DLGAP1: variants seen among roughly 807,000 people sequenced by gnomAD.
DLGAP1 encodes DLG associated protein 1, also known as disks large-associated protein 1.
Under a neutral mutation model 90.8 loss-of-function variants are expected in DLGAP1, and 11 were observed. That is an observed-to-expected ratio of 0.12 (90% CI 0.08 to 0.20). The LOEUF is 0.20. Ranked by LOEUF, DLGAP1 falls within the 10% of genes least tolerant of loss-of-function variation. The pLI, the probability that DLGAP1 is intolerant of heterozygous loss-of-function variation, is 1.00. For synonymous variants in DLGAP1, 558 were observed against 540.7 expected (o/e 1.03, Z -0.44); for missense variants, 1,050 against 1,333.8 (o/e 0.79, Z 3.31).
At chr18:3,579,511 C>T (rs757287407) in intron 8 of DLGAP1, among the ~76,000 whole-genome samples, 2 of 152,302 alleles carry the variant, frequency 1.3e-5, no homozygotes, top group Non-Finnish European at 1.5e-5. Flanking sequence ...TGCCTGGCCA[C>T]GCCTGGCTTT....
chr18:3,942,422 C>T (rs757949311), intron 3 of DLGAP1, among the ~76,000 whole-genome samples: 2 of 152,188 alleles, frequency 1.3e-5, no homozygotes, highest in African/African-American at 4.8e-5. Flanking sequence ...CCTCCAGCCT[C>T]GGAGGGGAAA....
intron 1 of DLGAP1, among the ~76,000 whole-genome samples, chr18:4,366,912 A>T (rs900451827): frequency 6.7e-6 from 1 of 148,460 alleles, no homozygotes; most frequent in Admixed American, 7.0e-5. Flanking sequence ...GGCAAATTAC[A>T]AAGTTATCTC....
chr18:4,218,716 T>G (rs1162650884), intron 1 of DLGAP1, among the ~76,000 whole-genome samples: 1 of 151,930 alleles, frequency 6.6e-6, no homozygotes, highest in Non-Finnish European at 1.5e-5. Flanking sequence ...AACTCAGTAT[T>G]TGTCTTTCTG....
chr18:4,433,389 T>C (rs910239460), intron 1 of DLGAP1, among the ~76,000 whole-genome samples: 4 of 152,206 alleles, frequency 2.6e-5, no homozygotes, highest in African/African-American at 9.6e-5. Context: ...TTAAAAAGTG[T>C]TCAATTATCT....
intron 3 of DLGAP1, among the ~76,000 whole-genome samples, chr18:3,954,867 A>G (rs1304585189): frequency 1.2e-4 from 18 of 152,190 alleles, no homozygotes; most frequent in Non-Finnish European, 4.4e-5. Flanking sequence ...TGGGAAACAA[A>G]TAAGATAAGC....
At chr18:3,682,135 A>AAAAAAAAAAAAAAT (rs1567956191) in intron 7 of DLGAP1, among the ~76,000 whole-genome samples, 1 of 147,780 alleles carries the variant, frequency 6.8e-6, no homozygotes, top group Non-Finnish European at 1.5e-5. Flanking sequence ...AAAAAATAAA[A>AAAAAAAAAAAAAAT]AAAAATAAAA....
intron 1 of DLGAP1, among the ~76,000 whole-genome samples, chr18:4,229,492 G>C (rs2078257068): frequency 6.6e-6 from 1 of 151,938 alleles, no homozygotes; most frequent in Non-Finnish European, 1.5e-5. Context: ...TAGACCAATG[G>C]AACAAAATAG....
chr18:3,605,846 A>AT (rs2057302158), intron 7 of DLGAP1, among the ~76,000 whole-genome samples: 1 of 152,014 alleles, frequency 6.6e-6, no homozygotes, highest in Non-Finnish European at 1.5e-5. Context: ...CTGTCTATAG[A>AT]TTTTTAAAAG....
chr18:4,402,268 T>C (rs1037935236), intron 1 of DLGAP1, among the ~76,000 whole-genome samples: 15 of 152,362 alleles, frequency 9.8e-5, no homozygotes, highest in African/African-American at 3.4e-4. Context: ...TAAGAGGTCA[T>C]AGTTAAACTC....
chr18:4,102,314 T>C (rs1020385921), intron 2 of DLGAP1, among the ~76,000 whole-genome samples: 1 of 152,222 alleles, frequency 6.6e-6, no homozygotes, highest in African/African-American at 2.4e-5. Context: ...ATGGTTTGTG[T>C]AAATGGAATT....
chr18:3,735,571 G>C (rs568019104), intron 6 of DLGAP1, among the ~76,000 whole-genome samples: 1 of 152,204 alleles, frequency 6.6e-6, no homozygotes, highest in South Asian at 2.1e-4. Context: ...TCCATAAAAG[G>C]TGGATATTAT....
intron 2 of DLGAP1, among the ~76,000 whole-genome samples, chr18:4,027,701 T>C (rs1355607782): frequency 6.6e-6 from 1 of 152,116 alleles, no homozygotes; most frequent in Non-Finnish European, 1.5e-5. Context: ...CAGATTCCCT[T>C]GTTATATAAA....
intron 5 of DLGAP1, among the ~76,000 whole-genome samples, chr18:3,765,004 C>T (rs1241237566): frequency 2.0e-5 from 3 of 151,946 alleles, no homozygotes; most frequent in Non-Finnish European, 4.4e-5. Flanking sequence ...CTGGGCACAG[C>T]CTCAAGTTTG....
intron 7 of DLGAP1, among the ~76,000 whole-genome samples, chr18:3,584,074 C>T (rs1033364754): frequency 2.6e-5 from 4 of 152,148 alleles, no homozygotes; most frequent in African/African-American, 4.8e-5. Context: ...TTGATTACAA[C>T]GCTGAGGGTT....
intron 4 of DLGAP1, among the ~76,000 whole-genome samples, chr18:3,840,302 G>A (rs1053799093): frequency 5.3e-5 from 8 of 152,128 alleles, no homozygotes; most frequent in Non-Finnish European, 1.2e-4. Context: ...GAGGCCAGAA[G>A]TCCAAAATAG....
intron 1 of DLGAP1, among the ~76,000 whole-genome samples, chr18:4,171,646 C>T (rs1195909658): frequency 6.6e-6 from 1 of 151,770 alleles, no homozygotes; most frequent in Non-Finnish European, 1.5e-5. Flanking sequence ...GTTGAGAATA[C>T]ATGATTTCAG....
intron 1 of DLGAP1, among the ~76,000 whole-genome samples, chr18:4,181,076 T>A (rs1210659774): frequency 1.3e-5 from 2 of 152,206 alleles, no homozygotes; most frequent in East Asian, 3.8e-4. Flanking sequence ...TTCTTGACTA[T>A]TTGACCTAAC....
At chr18:4,297,858 G>A (rs2080023585) in intron 1 of DLGAP1, among the ~76,000 whole-genome samples, 1 of 152,040 alleles carries the variant, frequency 6.6e-6, no homozygotes, top group South Asian at 2.1e-4. Context: ...CTCCTAATTT[G>A]GGGGTTCCTC....
rs145122143 is a variant in DLGAP1 at position 3,635,839 on chromosome 18, C to G, written c.1592-53591G>C. Among the ~76,000 whole-genome samples the G allele has an allele frequency of 2.5e-3, 373 of 151,646 alleles. 7 individuals carry two copies. The highest frequency in any genetic ancestry group is 8.5e-3 in the African/African-American group (352 of 41,292). On this transcript the variant is annotated intron_variant, in intron 7 of 12. Coordinates refer to ENST00000315677, the MANE Select transcript of DLGAP1 (RefSeq NM_004746.4). ...CATCCCATGGATGACTTGGTCTTGA[C>G]AGGCCTTCCTCAATAATCACTGGAT... is the stretch of plus-strand genomic sequence containing the variant.
Sources: allele counts gnomAD v4.1 joint callset (sites outside exome capture counted in the v4.1 genomes callset), GRCh38; gene constraint gnomAD v4.1.1; transcripts MANE v1.5; gene names NCBI Gene and HGNC (gene_info 2026-07-23, HGNC 2026-07-21).